Variants in FRMPD2 observed in about 807,000 individuals in gnomAD.
FRMPD2 encodes FERM and PDZ domain containing 2, also known as FERM and PDZ domain-containing protein 2.
In FRMPD2, 96 loss-of-function variants were observed where a neutral mutation model predicts 140.1. That is an observed-to-expected ratio of 0.69 (90% confidence interval 0.58 to 0.81). The LOEUF (loss-of-function observed/expected upper bound fraction) is 0.81. Among genes scored for constraint, FRMPD2 ranks in the 40% least tolerant of loss-of-function variants. The probability of loss-of-function intolerance (pLI) is 0.00; values close to 1 mark genes in which losing one functional copy is unlikely to be tolerated. For synonymous variants in FRMPD2, 449 were observed against 547.6 expected (o/e 0.82, Z 2.52); for missense variants, 1,240 against 1,447.4 (o/e 0.86, Z 2.32).
intron 10 of FRMPD2, among the ~76,000 whole-genome samples, chr10:48,231,730 CT>C (rs1839851706): frequency 6.6e-6 from 1 of 152,178 alleles, no homozygotes. Flanking sequence ...TATAGAAACC[CT>C]TTTTCTTGGA....
At chr10:48,256,034 C>T (rs945782311) in intron 1 of FRMPD2, among the ~76,000 whole-genome samples, 8 of 152,210 alleles carry the variant, frequency 5.3e-5, no homozygotes, top group Admixed American at 2.0e-4. Flanking sequence ...TTGCAGAGCA[C>T]GTGCAACCCA....
chr10:48,187,843 C>T (rs1002583635), intron 16 of FRMPD2, among the ~76,000 whole-genome samples: 6 of 152,138 alleles, frequency 3.9e-5, no homozygotes, highest in South Asian at 2.1e-4. Context: ...TGTTGGGTGC[C>T]GCCTGATCAT....
intron 16 of FRMPD2, among the ~76,000 whole-genome samples, chr10:48,187,988 A>T (rs1305967359): frequency 6.6e-6 from 1 of 152,264 alleles, no homozygotes; most frequent in Non-Finnish European, 1.5e-5. Flanking sequence ...CCCCGGGGTC[A>T]GTTCTGCACA....
intron 22 of FRMPD2, chr10:48,177,813 C>T: frequency 2.8e-6 from 1 of 358,926 alleles, no homozygotes; most frequent in Non-Finnish European, 5.5e-6. Flanking sequence ...CACACTGCCT[C>T]CTCATGAGTT....
intron 6 of FRMPD2, among the ~76,000 whole-genome samples, chr10:48,239,896 T>C (rs1188394791): frequency 6.6e-6 from 1 of 152,168 alleles, no homozygotes; most frequent in African/African-American, 2.4e-5. Flanking sequence ...CAAGGGAAGA[T>C]AAAGCCTAAT....
intron 18 of FRMPD2, 34 bp downstream of exon 18, chr10:48,185,519 G>A (rs1374218245): frequency 1.3e-6 from 2 of 1,485,454 alleles, no homozygotes; most frequent in African/African-American, 1.4e-5. Flanking sequence ...CCCAGCAGTA[G>A]AGACTGGGCC....
At chr10:48,194,570 T>G (rs1838911021) in intron 15 of FRMPD2, among the ~76,000 whole-genome samples, 1 of 152,034 alleles carries the variant, frequency 6.6e-6, no homozygotes, top group Admixed American at 6.6e-5. Context: ...ACAGAGACTG[T>G]GATTACAGGA....
chr10:48,258,637 G>T (rs1043913182), intron 1 of FRMPD2, among the ~76,000 whole-genome samples: 1 of 152,148 alleles, frequency 6.6e-6, no homozygotes, highest in East Asian at 1.9e-4. Context: ...TAGATGAGAG[G>T]ATGCACACTA....
intron 12 of FRMPD2, among the ~76,000 whole-genome samples, chr10:48,218,951 C>A (rs1229404622): frequency 6.6e-6 from 1 of 152,180 alleles, no homozygotes; most frequent in Non-Finnish European, 1.5e-5. Context: ...GATTTTCTAT[C>A]ACTTCTAATC....
chr10:48,216,000 A>C (rs1232824296), intron 12 of FRMPD2, among the ~76,000 whole-genome samples: 1 of 152,210 alleles, frequency 6.6e-6, no homozygotes, highest in Non-Finnish European at 1.5e-5. Flanking sequence ...CTGTTGAAGG[A>C]CTGAATTAAA....
chr10:48,215,201 A>G (rs1421404049), intron 12 of FRMPD2, among the ~76,000 whole-genome samples: 2 of 152,324 alleles, frequency 1.3e-5, no homozygotes, highest in African/African-American at 2.4e-5. Context: ...CAAACAAAAC[A>G]TAAGCCCCTT....
intron 15 of FRMPD2, among the ~76,000 whole-genome samples, chr10:48,200,573 C>A (rs932359774): frequency 6.6e-6 from 1 of 152,144 alleles, no homozygotes; most frequent in Admixed American, 6.5e-5. Context: ...CTTCGAATTC[C>A]TTTTCCAAGA....
intron 12 of FRMPD2, 97 bp downstream of exon 12, chr10:48,222,216 T>G: frequency 8.0e-7 from 1 of 1,251,402 alleles, no homozygotes; most frequent in Non-Finnish European, 1.1e-6. Context: ...ATGCTAACAA[T>G]ACTCAAAGCA....
chr10:48,233,656 C>G (rs1328978851), intron 9 of FRMPD2, among the ~76,000 whole-genome samples: 1 of 152,100 alleles, frequency 6.6e-6, no homozygotes, highest in Admixed American at 6.5e-5. Flanking sequence ...AGTGAAGTCC[C>G]CAGGACAATG....
chr10:48,268,730 T>A (rs1411759055), intron 1 of FRMPD2, among the ~76,000 whole-genome samples: 1 of 152,086 alleles, frequency 6.6e-6, no homozygotes, highest in Admixed American at 6.6e-5. Context: ...CTGGGGGAGA[T>A]CTTTGTGGCG....
At chr10:48,229,967 A>C (rs1311011599) in intron 10 of FRMPD2, among the ~76,000 whole-genome samples, 1 of 152,212 alleles carries the variant, frequency 6.6e-6, no homozygotes, top group Non-Finnish European at 1.5e-5. Context: ...TGTCCAGGAC[A>C]CTAAAGAAGA....
intron 15 of FRMPD2, among the ~76,000 whole-genome samples, chr10:48,195,063 CACTT>C (rs1356695569): frequency 6.6e-6 from 1 of 152,176 alleles, no homozygotes; most frequent in Non-Finnish European, 1.5e-5. Flanking sequence ...AAGTCCAAGT[CACTT>C]ACAGTGTCAT....
chr10:48,157,915 C>G (rs1407175186), intron 28 of FRMPD2, among the ~76,000 whole-genome samples: 2 of 145,220 alleles, frequency 1.4e-5, no homozygotes, highest in Non-Finnish European at 3.0e-5. Flanking sequence ...CACCACTGTC[C>G]CCACCACCTC....
chr10:48,260,471 T>C lies in FRMPD2; in HGVS notation c.26-8780A>G, dbSNP rs1273295376. Among the ~76,000 whole-genome samples the C allele has an allele frequency of 3.3e-5, 5 of 152,298 alleles. No individual in the cohort carries two copies. In the South Asian group the frequency reaches 1.0e-3, roughly 32 times the overall value. ...TGTGTCTTTTGTTCTATTACAGCCC[T>C]GAATAGATTATATGATGCCTGCCCA... On this transcript the variant is annotated intron_variant, in intron 1 of 28. Coordinates refer to ENST00000374201, the MANE Select transcript of FRMPD2 (RefSeq NM_001018071.4).
Sources: gnomAD v4.1 joint callset for allele counts (sites outside exome capture counted in the v4.1 genomes callset) on GRCh38, gnomAD v4.1.1 for gene constraint, MANE v1.5 for transcripts, NCBI Gene and HGNC (gene_info 2026-07-23, HGNC 2026-07-21) for gene names.